Variants in XDH observed in about 807,000 individuals in gnomAD.
XDH encodes xanthine dehydrogenase/oxidase.
In XDH, 138 loss-of-function variants were observed where a neutral mutation model predicts 156.1. That is an observed-to-expected ratio of 0.88 (90% CI 0.77 to 1.02). The LOEUF (loss-of-function observed/expected upper bound fraction) is 1.02. Among genes scored for constraint, XDH ranks in the 50% least tolerant of loss-of-function variants. The pLI, the probability that XDH is intolerant of heterozygous loss-of-function variation, is 0.00. For missense variants in XDH, 1,849 were observed against 1,684.9 expected, an observed-to-expected ratio of 1.10 and a Z score of -1.71; for synonymous variants, 669 against 625.7, an observed-to-expected ratio of 1.07 and a Z score of -1.03.
intron 25 of XDH, 79 bp downstream of exon 25, chr2:31,349,953 A>G (rs1399780213): frequency 1.9e-5 from 30 of 1,611,432 alleles, no homozygotes. Context: ...CCCCCATGGG[A>G]GATGCCCAAG....
intron 24 of XDH, among the ~76,000 whole-genome samples, chr2:31,354,441 A>G (rs892542640): frequency 6.6e-6 from 1 of 152,232 alleles, no homozygotes; most frequent in Non-Finnish European, 1.5e-5. Flanking sequence ...AGATGCCATC[A>G]CTGAGGTGAC....
chr2:31,349,959 C>G (rs1367172894), intron 25 of XDH, 73 bp downstream of exon 25: 13 of 1,611,722 alleles, frequency 8.1e-6, no homozygotes, highest in Admixed American at 1.7e-5. Context: ...TGGGAGATGC[C>G]CAAGATACAA....
rs775686087 is a variant in XDH, at chr2:31,341,357, C to A, written c.3557G>T (p.Ser1186Ile). 1.3e-6 allele frequency: 2 copies of A among 1,579,418 alleles called. No individual in the cohort carries two copies. Among genetic ancestry groups the A allele is most frequent in the Admixed American group, 1.8e-5 (1 of 56,126 alleles). Residue 1186 changes from serine to isoleucine, a missense_variant, in exon 33 of 36, where the codon AGT (serine) becomes ATT (isoleucine). Coordinates refer to ENST00000379416, the MANE Select transcript of XDH (RefSeq NM_000379.4). ...RTDIVMDVGS[S>I]LNPAIDIGQV... ...TCCAATATCAATGGCAGGGTTTAGA[C>A]TGGAGCCAACATCCATGACAATATC... is the stretch of plus-strand genomic sequence containing the variant.
chr2:31,377,036 G>T lies in XDH; in HGVS notation c.1427+17C>A. The T allele has an allele frequency of 1.2e-6, 2 of 1,614,064 alleles. No homozygotes were observed. The highest frequency in any genetic ancestry group is 1.7e-6 in the Non-Finnish European group (2 of 1,179,954). ...CAGCAACATTAGCAGCAGTTTCATTGTGCTGTTAGCTCTTACTTGGAAAGC... is the reference window on the plus strand; with the variant it reads ...CAGCAACATTAGCAGCAGTTTCATTTTGCTGTTAGCTCTTACTTGGAAAGC... On this transcript the variant is annotated intron_variant, in intron 14 of 35. Coordinates refer to ENST00000379416, the MANE Select transcript of XDH (RefSeq NM_000379.4).
At chr2:31,341,549 T>G (rs1178230639) in intron 32 of XDH, among the ~76,000 whole-genome samples, 155 bp from the exon 33 acceptor site, 2 of 152,120 alleles carry the variant, frequency 1.3e-5, no homozygotes, top group Admixed American at 1.3e-4. Flanking sequence ...AGTGTTGATG[T>G]TCCCACCAAA....
rs207438 is a variant in XDH at position 31,338,178 on chromosome 2, G to A, written c.3775-361C>T. 5.4e-3 allele frequency among the ~76,000 whole-genome samples: 823 copies of A among 152,246 alleles called. 7 individuals carry two copies. Among genetic ancestry groups the A allele is most frequent in the African/African-American group, 0.019 (801 of 41,524 alleles). On this transcript the variant is annotated intron_variant, in intron 34 of 35. Transcript: ENST00000379416. The stretch of plus-strand genomic sequence containing the variant: ...TTAACCTTTTCCTCAGTCACTAGCC[G>A]AGGGGAAGAGTCTACCTGCAACTCT...
intron 24 of XDH, among the ~76,000 whole-genome samples, chr2:31,352,962 C>G (rs1685522938): frequency 6.9e-6 from 1 of 145,758 alleles, no homozygotes; most frequent in South Asian, 2.2e-4. Context: ...CTCAAGTGAT[C>G]TGTCTATCTC....
intron 24 of XDH, among the ~76,000 whole-genome samples, chr2:31,351,104 C>T (rs938874592): frequency 6.6e-6 from 1 of 151,866 alleles, no homozygotes; most frequent in African/African-American, 2.4e-5. Flanking sequence ...TGGCTTAGCC[C>T]CCTCCCTCCA....
At chr2:31,337,563 G>A (rs1419754517) in intron 35 of XDH, 78 bp downstream of exon 35, 1 of 1,603,716 alleles carries the variant, frequency 6.2e-7, no homozygotes, top group Non-Finnish European at 8.5e-7. Flanking sequence ...CCTCTCCTCT[G>A]TGCAGAACCT....
Position 31,347,563 on chromosome 2 carries a change from C to T in XDH, c.3235G>A (p.Ala1079Thr), listed in dbSNP as rs1331025827. The change falls in exon 29 of 36, where the codon GCT becomes ACT. Residue 1079 changes from alanine (A) to threonine (T), a missense_variant. Transcript: ENST00000379416. ...TNTVPNTSPT[A>T]ASVSADLNGQ... ...TTGAGGTCAGCGCTGACAGAGGCAG[C>T]CGTGGGAGAGGTGTTGGGCACAGTG... 24 of 1,613,946 alleles carry T rather than the reference C, an allele frequency of 1.5e-5. No homozygotes were observed. The highest frequency in any genetic ancestry group is 5.0e-5 in the Admixed American group (3 of 60,006).
chr2:31,387,956 G>A, intron 7 of XDH, 59 bp from the exon 8 acceptor site: 5 of 1,519,718 alleles, frequency 3.3e-6, no homozygotes, highest in Non-Finnish European at 4.5e-6. Context: ...ACACCCAAGA[G>A]GACCAATTCA....
At chr2:31,398,233 G>A (rs1686962241) in intron 5 of XDH, among the ~76,000 whole-genome samples, 1 of 152,132 alleles carries the variant, frequency 6.6e-6, no homozygotes, top group South Asian at 2.1e-4. Context: ...TGAGAGGGAA[G>A]GAAATCATAT....
intron 4 of XDH, among the ~76,000 whole-genome samples, chr2:31,399,922 C>G (rs1479446327): frequency 2.6e-5 from 4 of 152,180 alleles, no homozygotes; most frequent in African/African-American, 9.7e-5. Flanking sequence ...TAATACTTGA[C>G]TCCTATGTTT....
intron 31 of XDH, among the ~76,000 whole-genome samples, chr2:31,342,963 G>A (rs1464041396): frequency 1.3e-5 from 2 of 151,948 alleles, no homozygotes; most frequent in African/African-American, 4.8e-5. Context: ...ATGCATTTGT[G>A]CATGTGTATT....
intron 24 of XDH, among the ~76,000 whole-genome samples, chr2:31,358,794 A>G (rs1685696556): frequency 6.6e-6 from 1 of 152,128 alleles, no homozygotes; most frequent in South Asian, 2.1e-4. Flanking sequence ...ACAAACAAAC[A>G]AACAAAACCC....
chr2:31,341,392 G>A lies in XDH; in HGVS notation c.3522C>T (p.Asn1174=). ...CATCCATGACAATATCTGTGCGGAG[G>A]TTCTAGAGTAGACAGCAAAATTACA... The part of the protein sequence containing the change: ...EIDCLTGDHK[N]LRTDIVMDVG... The change falls in exon 33 of 36, where the codon AAC becomes AAT. Residue 1174 remains asparagine (N), a splice_region_variant and synonymous_variant. Transcript: ENST00000379416. The A allele has an allele frequency of 1.3e-6, 2 of 1,575,666 alleles. No individual in the cohort carries two copies. The highest frequency in any genetic ancestry group is 8.6e-7 in the Non-Finnish European group (1 of 1,157,780).
At chr2:31,345,113 GCACACGAGGGC>G (rs1431166390) in intron 30 of XDH, among the ~76,000 whole-genome samples, 4 of 152,142 alleles carry the variant, frequency 2.6e-5, no homozygotes, top group African/African-American at 9.7e-5. Flanking sequence ...GCATTTTGCA[GCACACGAGGGC>G]CACCCCAGCC....
chr2:31,372,162 T>A (rs1328541816), intron 17 of XDH, 66 bp downstream of exon 17: 4 of 1,611,780 alleles, frequency 2.5e-6, no homozygotes, highest in Middle Eastern at 1.7e-4. Flanking sequence ...GTGAGAGAAG[T>A]CTCCTGGGTA....
chr2:31,402,912 G>T, intron 3 of XDH, 136 bp downstream of exon 3: 1 of 916,668 alleles, frequency 1.1e-6, no homozygotes, highest in Non-Finnish European at 1.7e-6. Flanking sequence ...CAGTTTTCCT[G>T]TGCACAGATT....
Sources: allele counts gnomAD v4.1 joint callset (sites outside exome capture counted in the v4.1 genomes callset), GRCh38; gene constraint gnomAD v4.1.1; transcripts MANE v1.5; gene names NCBI Gene and HGNC (gene_info 2026-07-23, HGNC 2026-07-21).